Variants in MCUB observed in about 807,000 individuals in gnomAD.
The protein encoded by MCUB is mitochondrial calcium uniporter dominant negative subunit beta.
A neutral mutation model predicts 41.4 loss-of-function variants in MCUB; 46 were observed. The observed-to-expected ratio is 1.11, with a 90% CI of 0.88 to 1.42. The LOEUF is 1.42. MCUB is among the 40% of genes most tolerant of loss of function. MCUB has a pLI of 0.00. For synonymous variants in MCUB, 148 were observed against 148.2 expected (o/e 1.00, Z 0.01); for missense variants, 403 against 404.9 (o/e 1.00, Z 0.04).
At chr4:109,568,586 C>T (rs1351434753) in intron 1 of MCUB, among the ~76,000 whole-genome samples, 4 of 152,124 alleles carry the variant, frequency 2.6e-5, no homozygotes, top group African/African-American at 7.2e-5. Flanking sequence ...TCAATAGCCA[C>T]CCCCCATCTC....
intron 1 of MCUB, among the ~76,000 whole-genome samples, chr4:109,635,604 CTG>C (rs933609243): frequency 9.9e-5 from 15 of 152,228 alleles, no homozygotes; most frequent in Non-Finnish European, 1.5e-4. Flanking sequence ...CCTTCAGTCT[CTG>C]TATATACCTG....
intron 4 of MCUB, among the ~76,000 whole-genome samples, chr4:109,665,037 A>G (rs926391579): frequency 5.3e-5 from 8 of 152,158 alleles, no homozygotes; most frequent in African/African-American, 1.9e-4. Flanking sequence ...TCTGCACCCC[A>G]CGCCCCTTAT....
At chr4:109,680,461 A>G (rs913505031) in intron 4 of MCUB, among the ~76,000 whole-genome samples, 1 of 152,104 alleles carries the variant, frequency 6.6e-6, no homozygotes, top group African/African-American at 2.4e-5. Flanking sequence ...CCCTATTGCA[A>G]TAGTTATTAA....
Position 109,687,950 on chromosome 4 carries a change from AGG to A in MCUB, c.*359_*360del, listed in dbSNP as rs1257530149. On this transcript the variant is annotated 3_prime_UTR_variant, in exon 8 of 8. Transcript: ENST00000394650. ...CATCCTTTTAAAAAAATCAGAGACCAGGTCTTGCCAAATCAAACTCCTGGGCT... is the reference window on the plus strand; with the variant it reads ...CATCCTTTTAAAAAAATCAGAGACCATCTTGCCAAATCAAACTCCTGGGCT... The A allele has an allele frequency of 2.4e-5, 4 of 169,942 alleles. No individual in the cohort carries two copies. Among genetic ancestry groups the A allele is most frequent in the African/African-American group, 9.5e-5 (4 of 42,114 alleles). The allele number at this position is 169,942 out of a possible 1,614,324, so 10.5% of individuals were successfully genotyped here.
At position 109,629,119 on chromosome 4, in the gene MCUB, CTTTTA is replaced by C. The variant is rs943442055; in HGVS notation, c.100-29887_100-29883del. Among the ~76,000 whole-genome samples, 37 of 152,088 alleles carry C rather than the reference CTTTTA, an allele frequency of 2.4e-4. 1 individual carries two copies. Among genetic ancestry groups the C allele is most frequent in the Middle Eastern group, 6.8e-3 (2 of 294 alleles). ...TGAGTCAGTCCTCCTTAGAACTTTT[CTTTTA>C]TTTTTTCTAATTTTTTATTTTTATT... On this transcript the variant is annotated intron_variant, in intron 1 of 7. Coordinates refer to ENST00000394650, the MANE Select transcript of MCUB (RefSeq NM_017918.5).
At chr4:109,611,785 G>C (rs1728013757) in intron 1 of MCUB, among the ~76,000 whole-genome samples, 1 of 152,074 alleles carries the variant, frequency 6.6e-6, no homozygotes, top group Non-Finnish European at 1.5e-5. Context: ...TTATTGGTAT[G>C]GTTCATGCCT....
At chr4:109,630,756 T>G (rs1728457964) in intron 1 of MCUB, among the ~76,000 whole-genome samples, 1 of 152,116 alleles carries the variant, frequency 6.6e-6, no homozygotes, top group Non-Finnish European at 1.5e-5. Flanking sequence ...TAATTTTGTA[T>G]TTTTAGTAGA....
Position 109,685,237 on chromosome 4 carries a change from T to C in MCUB, c.817-14T>C. On this transcript the variant is annotated splice_polypyrimidine_tract_variant and intron_variant, in intron 6 of 7. Coordinates refer to ENST00000394650, the MANE Select transcript of MCUB (RefSeq NM_017918.5). ...AAAACATGTTGTTTTCTTCTCTCTC[T>C]CTTTTTTTTTAAGGATTATACTTAC... The C allele has an allele frequency of 2.4e-6, 2 of 846,156 alleles. No individual in the cohort carries two copies. Among genetic ancestry groups the C allele is most frequent in the East Asian group, 2.5e-5 (1 of 39,786 alleles). The allele number at this position is 846,156 out of a possible 1,614,324, so 52.4% of individuals were successfully genotyped here.
chr4:109,617,199 G>T lies in MCUB; in HGVS notation c.100-41812G>T, dbSNP rs540982625. 5.3e-5 allele frequency among the ~76,000 whole-genome samples: 8 copies of T among 152,274 alleles called. No homozygotes were observed. In the East Asian group the frequency reaches 1.5e-3, roughly 29 times the overall value. On this transcript the variant is annotated intron_variant, in intron 1 of 7. Coordinates refer to ENST00000394650, the MANE Select transcript of MCUB (RefSeq NM_017918.5). ...CAGATGCTTGCACAATTGGCCTGTTGGCTGTTATAGGATCATTCTAAGTGT... is the reference window on the plus strand; with the variant it reads ...CAGATGCTTGCACAATTGGCCTGTTTGCTGTTATAGGATCATTCTAAGTGT...
At chr4:109,631,816 A>G (rs1274197972) in intron 1 of MCUB, among the ~76,000 whole-genome samples, 1 of 152,050 alleles carries the variant, frequency 6.6e-6, no homozygotes, top group Non-Finnish European at 1.5e-5. Flanking sequence ...GTCCTCACAG[A>G]TCAACTTAAG....
chr4:109,589,089 C>T (rs575399862), intron 1 of MCUB, among the ~76,000 whole-genome samples: 55 of 152,282 alleles, frequency 3.6e-4, no homozygotes, highest in African/African-American at 1.3e-3. Context: ...TTTTGTGTAA[C>T]TATGTTGGCA....
At chr4:109,621,724 C>T (rs1728253819) in intron 1 of MCUB, among the ~76,000 whole-genome samples, 1 of 152,098 alleles carries the variant, frequency 6.6e-6, no homozygotes. Flanking sequence ...TTATTTTGTT[C>T]TTGTTCCTGC....
At chr4:109,584,346 CTTT>C (rs1293109613) in intron 1 of MCUB, among the ~76,000 whole-genome samples, 2 of 152,082 alleles carry the variant, frequency 1.3e-5, no homozygotes, top group African/African-American at 2.4e-5. Context: ...CTCTCTTCTT[CTTT>C]ATTAGTCTTG....
chr4:109,608,259 G>A (rs537408493), intron 1 of MCUB, among the ~76,000 whole-genome samples: 2 of 152,082 alleles, frequency 1.3e-5, no homozygotes, highest in South Asian at 4.1e-4. Context: ...CAATCTTTTT[G>A]TTCAGTTTAT....
chr4:109,613,689 T>C (rs1277055710), intron 1 of MCUB, among the ~76,000 whole-genome samples: 3 of 152,166 alleles, frequency 2.0e-5, no homozygotes, highest in Admixed American at 6.5e-5. Flanking sequence ...CACTGGGTCC[T>C]GCCCACATTC....
intron 4 of MCUB, among the ~76,000 whole-genome samples, chr4:109,672,442 T>C (rs1729477335): frequency 1.3e-5 from 2 of 152,210 alleles, no homozygotes; most frequent in South Asian, 4.1e-4. Flanking sequence ...AATTCACCAA[T>C]TACAGTTTAA....
intron 1 of MCUB, among the ~76,000 whole-genome samples, chr4:109,564,616 G>T (rs183793796): frequency 7.2e-4 from 109 of 152,254 alleles, no homozygotes; most frequent in Non-Finnish European, 1.3e-3. Flanking sequence ...TCCCTAAAGA[G>T]CTGCCAAAAT....
chr4:109,571,144 C>G (rs1296846142), intron 1 of MCUB, among the ~76,000 whole-genome samples: 1 of 152,162 alleles, frequency 6.6e-6, no homozygotes, highest in Non-Finnish European at 1.5e-5. Flanking sequence ...AATCATTAAA[C>G]CATGGGTATC....
At chr4:109,646,040 C>CCATT (rs935595071) in intron 1 of MCUB, among the ~76,000 whole-genome samples, 9 of 152,156 alleles carry the variant, frequency 5.9e-5, no homozygotes, top group Admixed American at 4.6e-4. Context: ...AGCTACTGCC[C>CCATT]CATTCATGTG....
Sources: allele counts gnomAD v4.1 joint callset (sites outside exome capture counted in the v4.1 genomes callset), GRCh38; gene constraint gnomAD v4.1.1; transcripts MANE v1.5; gene names NCBI Gene and HGNC (gene_info 2026-07-23, HGNC 2026-07-21).